Variants in EPS15 observed in about 807,000 individuals in gnomAD.
EPS15 encodes epidermal growth factor receptor pathway substrate 15, also known as epidermal growth factor receptor substrate 15.
EPS15 carries 72 observed loss-of-function variants against 113.8 expected under a neutral mutation model. The ratio of observed to expected loss-of-function variants is 0.63; its 90% confidence interval spans 0.52 to 0.77. The LOEUF (loss-of-function observed/expected upper bound fraction) is 0.77, where lower values mean the gene tolerates loss of function less well. EPS15 is among the 30% of genes least tolerant of loss of function. The pLI, the probability that EPS15 is intolerant of heterozygous loss-of-function variation, is 0.00. For missense variants in EPS15, 1,048 were observed against 1,045.8 expected (o/e 1.00, Z -0.03); for synonymous variants, 344 against 363.4 (o/e 0.95, Z 0.61).
chr1:51,365,872 G>A, intron 22 of EPS15, 81 bp downstream of exon 22: 1 of 870,882 alleles, frequency 1.1e-6, no homozygotes, highest in Non-Finnish European at 1.8e-6. Flanking sequence ...CTTTGTGAGA[G>A]GACTATATAA....
intron 20 of EPS15, among the ~76,000 whole-genome samples, chr1:51,396,401 T>A (rs1051577693): frequency 3.3e-5 from 5 of 152,136 alleles, no homozygotes; most frequent in African/African-American, 1.2e-4. Context: ...CAAGTGAACA[T>A]CCATAATCTG....
chr1:51,477,982 G>C, intron 2 of EPS15, among the ~76,000 whole-genome samples: 1 of 152,190 alleles, frequency 6.6e-6, no homozygotes, highest in Non-Finnish European at 1.5e-5. Flanking sequence ...GGTTGGTGCA[G>C]AGCTGAGTTC....
intron 2 of EPS15, among the ~76,000 whole-genome samples, chr1:51,479,081 C>T (rs1273311097): frequency 3.3e-5 from 5 of 152,192 alleles, no homozygotes; most frequent in African/African-American, 1.2e-4. Flanking sequence ...CTCCCCATCA[C>T]TTTCAGGTAC....
intron 21 of EPS15, among the ~76,000 whole-genome samples, chr1:51,390,001 T>G (rs1189066370): frequency 1.3e-5 from 2 of 152,318 alleles, no homozygotes; most frequent in East Asian, 1.9e-4. Flanking sequence ...AGAGCCTGCA[T>G]CGCCAAGTCA....
intron 8 of EPS15, among the ~76,000 whole-genome samples, chr1:51,450,136 G>C (rs1451256929): frequency 2.0e-5 from 3 of 151,728 alleles, no homozygotes; most frequent in Non-Finnish European, 4.4e-5. Context: ...GCTTCAGCTA[G>C]CTGTGGTGAA....
chr1:51,439,483 AAAAAAG>A (rs1652416893), intron 12 of EPS15, among the ~76,000 whole-genome samples: 2 of 152,074 alleles, frequency 1.3e-5, no homozygotes, highest in South Asian at 4.1e-4. Flanking sequence ...GTGAGGGTTA[AAAAAAG>A]AAAAAGACTG....
At chr1:51,404,545 C>T (rs1163793379) in intron 16 of EPS15, among the ~76,000 whole-genome samples, 1 of 151,972 alleles carries the variant, frequency 6.6e-6, no homozygotes, top group East Asian at 1.9e-4. Flanking sequence ...CTTTTAATAC[C>T]TCTCAAACTT....
chr1:51,406,844 T>C (rs940980456), intron 15 of EPS15, among the ~76,000 whole-genome samples: 2 of 151,942 alleles, frequency 1.3e-5, no homozygotes, highest in Non-Finnish European at 2.9e-5. Flanking sequence ...TATAAGCAAA[T>C]ATGCAGGGAA....
At chr1:51,463,188 T>A (rs2148502201) in intron 7 of EPS15, 1 of 152,360 alleles carries the variant, frequency 6.6e-6, no homozygotes, top group African/African-American at 2.4e-5. Flanking sequence ...GAAGTCAGAT[T>A]TAAAGGTCTT....
In EPS15 at chr1:51,458,670, G is replaced by A. The variant is rs1024147873; in HGVS notation, c.561+2421C>T. ...AAGAATAACTTGAATCCAGGAGGCC[G>A]AGGCTGCAGTGAGCTGAGATCCCGC... On this transcript the variant is annotated intron_variant, in intron 8 of 24. Transcript: ENST00000371733. The A allele has an allele frequency of 3.7e-5, 14 of 382,706 alleles. No homozygotes were observed. The East Asian group carries it at 3.9e-4, about 11-fold the overall frequency. 23.7% of individuals were successfully genotyped at this position (382,706 alleles called of 1,614,324 possible). A position where few individuals can be genotyped will look rare whatever the true frequency, so the allele number is the denominator to read the frequency against.
rs869072153 is a variant in EPS15, at chr1:51,357,391, A to AATAT, written c.2545-549_2545-546dup. On this transcript the variant is annotated intron_variant, in intron 24 of 24. Transcript: ENST00000371733. ...GATTCCATCTGAAAAAAAAAAAAAAAATATATATATATATATATATATATA... is the reference window on the plus strand; with the variant it reads ...GATTCCATCTGAAAAAAAAAAAAAAAATATATATATATATATATATATATATATA... 1.5e-3 allele frequency among the ~76,000 whole-genome samples: 96 copies of AATAT among 65,686 alleles called. 2 individuals are homozygous for AATAT. Among genetic ancestry groups the AATAT allele is most frequent in the Non-Finnish European group, 2.2e-3 (85 of 38,462 alleles). The allele number at this position is 65,686 out of a possible 152,430, so 43.1% of individuals were successfully genotyped here. A position where few individuals can be genotyped will look rare whatever the true frequency, so the allele number is the denominator to read the frequency against.
chr1:51,365,162 A>G (rs1028925432), intron 22 of EPS15, among the ~76,000 whole-genome samples: 1 of 152,174 alleles, frequency 6.6e-6, no homozygotes, highest in Admixed American at 6.5e-5. Context: ...GTGTCTGAAG[A>G]CCCTTTCAAA....
rs1444129658 is a variant in EPS15, at chr1:51,394,410, C to T, written c.2090G>A (p.Gly697Asp). 2 of 1,601,452 alleles carry T rather than the reference C, an allele frequency of 1.2e-6. No homozygotes were observed. Among genetic ancestry groups the T allele is most frequent in the Admixed American group, 1.7e-5 (1 of 59,466 alleles). The change falls in exon 21 of 25, where the codon GGT becomes GAT. Residue 697 changes from glycine (G) to aspartate (D), a missense_variant. By Grantham distance (94) the Gly-to-Asp change is moderately conservative. Coordinates refer to ENST00000371733, the MANE Select transcript of EPS15 (RefSeq NM_001981.3). ...TLKHNDPFAP[G>D]GTVVAASDSA... ...ATCGCTTGCTGCAACAACTGTTCCA[C>T]CAGGAGCAAAAGGATCATTGTGCTT...
intron 8 of EPS15, among the ~76,000 whole-genome samples, chr1:51,450,269 G>A (rs1474917474): frequency 6.6e-5 from 10 of 151,686 alleles, no homozygotes; most frequent in East Asian, 3.9e-4. Context: ...GTCCGTTTTT[G>A]TATTGCTATA....
intron 12 of EPS15, among the ~76,000 whole-genome samples, chr1:51,435,214 G>A (rs1032380290): frequency 6.6e-6 from 1 of 151,280 alleles, no homozygotes; most frequent in Non-Finnish European, 1.5e-5. Context: ...TTGAGACTGA[G>A]TCTCACTCTG....
chr1:51,461,521 TAAAAAAAAAAAAA>T (rs34184025), intron 7 of EPS15, among the ~76,000 whole-genome samples: 10 of 85,042 alleles, frequency 1.2e-4, no homozygotes, highest in African/African-American at 2.0e-4. Flanking sequence ...CACTGTTTCT[TAAAAAAAAAAAAA>T]AAAAAAAAAA....
chr1:51,435,779 T>G (rs922151678), intron 12 of EPS15, among the ~76,000 whole-genome samples: 10 of 152,166 alleles, frequency 6.6e-5, no homozygotes, highest in Non-Finnish European at 1.3e-4. Context: ...TAAATTACTA[T>G]AGTTAAACAG....
At chr1:51,470,926 T>C (rs1170001525) in intron 4 of EPS15, among the ~76,000 whole-genome samples, 1 of 152,178 alleles carries the variant, frequency 6.6e-6, no homozygotes, top group African/African-American at 2.4e-5. Context: ...CTATGAATTT[T>C]GTTTTCCTAT....
intron 2 of EPS15, among the ~76,000 whole-genome samples, chr1:51,475,949 A>G (rs1557506040): frequency 6.6e-6 from 1 of 152,122 alleles, no homozygotes; most frequent in Non-Finnish European, 1.5e-5. Flanking sequence ...TCCTTTCCCC[A>G]TTTCTTGTTT....
Sources: allele counts gnomAD v4.1 joint callset (sites outside exome capture counted in the v4.1 genomes callset), GRCh38; gene constraint gnomAD v4.1.1; transcripts MANE v1.5; gene names NCBI Gene and HGNC (gene_info 2026-07-23, HGNC 2026-07-21).